Variants in ZNF496 observed in about 807,000 individuals in gnomAD.
The protein encoded by ZNF496 is NSD1 (nuclear receptor binding SET-domain containing 1)-interacting zinc finger protein 1.
Under a neutral mutation model 58.9 loss-of-function variants are expected in ZNF496, and 11 were observed. That is an observed-to-expected ratio of 0.19 (90% CI 0.12 to 0.31). The LOEUF is 0.31. Ranked by LOEUF, ZNF496 falls within the 10% of genes least tolerant of loss-of-function variation. The pLI is 1.00. For missense variants in ZNF496, 660 were observed against 783.0 expected (o/e 0.84, Z 1.88); for synonymous variants, 338 against 318.2 (o/e 1.06, Z -0.66).
chr1:247,328,614 C>CA (rs1189418661), intron 5 of ZNF496, 69 bp downstream of exon 5: 46 of 1,419,062 alleles, frequency 3.2e-5, no homozygotes, highest in Middle Eastern at 2.6e-4. Context: ...ACAAAAACCA[C>CA]ACCCAGTGCA....
At chr1:247,302,611 G>C (rs1659282759) in intron 9 of ZNF496, among the ~76,000 whole-genome samples, 2 of 152,150 alleles carry the variant, frequency 1.3e-5, no homozygotes, top group Admixed American at 6.5e-5. Context: ...AAAGTGCTGG[G>C]ATTACAGGTG....
At chr1:247,323,119 G>C (rs6692645) in intron 6 of ZNF496, 35 bp downstream of exon 6, 932,838 of 1,577,210 alleles carry the variant, frequency 0.59, 279,992 homozygotes, top group Middle Eastern at 0.77. Context: ...GAGGCAAACA[G>C]GGGATTTTCA....
rs200347844 is a variant in ZNF496 at position 247,329,481 on chromosome 1, C to T, written c.98G>A (p.Gly33Glu). The T allele has an allele frequency of 1.8e-4, 289 of 1,606,998 alleles. No homozygotes were observed. Among genetic ancestry groups the T allele is most frequent in the Non-Finnish European group, 1.5e-4 (181 of 1,177,530 alleles). Residue 33 changes from glycine to glutamate, a missense_variant, in exon 4 of 10, where the codon GGG becomes GAG. Transcript: ENST00000682384. The surrounding 1 kb of genome is among the most constrained non-coding windows in gnomAD (Gnocchi z 5.5). ...AGAGGACTCGGGGCTGGGAAGCTCC[C>T]CCTGGGGGCTAGGGTTCTCTCCAGG... The part of the protein sequence containing the change: ...SPPGENPSPQ[G>E]ELPSPESSRR...
At chr1:247,324,468 T>C (rs1160354577) in intron 5 of ZNF496, among the ~76,000 whole-genome samples, 1 of 151,674 alleles carries the variant, frequency 6.6e-6, no homozygotes, top group Non-Finnish European at 1.5e-5. Flanking sequence ...TCTGAAGTAT[T>C]TTCACCACAC....
At chr1:247,310,653 T>G in intron 6 of ZNF496, 197 bp from the exon 7 acceptor site, 1 of 614,578 alleles carries the variant, frequency 1.6e-6, no homozygotes, top group Non-Finnish European at 2.8e-6. Context: ...AGGGCCCACT[T>G]CTTGGTCAAA....
At chr1:247,321,296 T>G (rs371679851) in intron 6 of ZNF496, among the ~76,000 whole-genome samples, 6 of 152,234 alleles carry the variant, frequency 3.9e-5, no homozygotes, top group African/African-American at 1.4e-4. Flanking sequence ...TAATTCCAAT[T>G]ATATGAGGTA....
chr1:247,315,070 T>TG (rs1256745670), intron 6 of ZNF496, among the ~76,000 whole-genome samples: 7 of 150,542 alleles, frequency 4.6e-5, no homozygotes, highest in Non-Finnish European at 8.9e-5. Flanking sequence ...CTTTTTTTTT[T>TG]TTTTTTTTTT....
chr1:247,310,244 C>A, intron 7 of ZNF496, 80 bp downstream of exon 7: 5 of 1,586,546 alleles, frequency 3.2e-6, no homozygotes, highest in Non-Finnish European at 4.3e-6. Context: ...TCCTATGGGA[C>A]GAAGTTGACT....
At position 247,329,397 on chromosome 1, in the gene ZNF496, T is replaced by A. The variant is rs746147716; in HGVS notation, c.182A>T (p.Gln61Leu). 2 of 1,613,214 alleles carry A rather than the reference T, an allele frequency of 1.2e-6. No individual in the cohort carries two copies. Among genetic ancestry groups the A allele is most frequent in the Non-Finnish European group, 8.5e-7 (1 of 1,179,784 alleles). Residue 61 changes from glutamine (Q) to leucine (L), a missense_variant, in exon 4 of 10, where the codon CAG becomes CTG. Gln to Leu is a moderately radical substitution (Grantham distance 113). Coordinates refer to ENST00000682384, the MANE Select transcript of ZNF496 (RefSeq NM_032752.3). The surrounding 1 kb of genome is among the most constrained non-coding windows in gnomAD (Gnocchi z 5.5). ...QEAAGPREAL[Q>L]RLWDLCGGWL... Reference sequence around the variant, plus strand: ...GCCCCCGCACAGGTCCCAGAGGCGCTGCAGGGCCTCCCGGGGGCCCGCCGC... The same window carrying A: ...GCCCCCGCACAGGTCCCAGAGGCGCAGCAGGGCCTCCCGGGGGCCCGCCGC...
At chr1:247,303,435 A>C (rs1427972937) in intron 9 of ZNF496, among the ~76,000 whole-genome samples, 1 of 152,212 alleles carries the variant, frequency 6.6e-6, no homozygotes, top group Non-Finnish European at 1.5e-5. Flanking sequence ...CAAAGACCAA[A>C]AACTGTCGAA....
intron 5 of ZNF496, among the ~76,000 whole-genome samples, chr1:247,324,056 C>G (rs1660041013): frequency 2.4e-5 from 3 of 124,340 alleles, no homozygotes; most frequent in African/African-American, 9.1e-5. Flanking sequence ...GCCTGGGTGA[C>G]AGAACATGGC....
At chr1:247,326,367 C>T (rs6682130) in intron 5 of ZNF496, among the ~76,000 whole-genome samples, 3,177 of 152,190 alleles carry the variant, frequency 0.021, 102 homozygotes, top group African/African-American at 0.071. Flanking sequence ...TGCTAACTCT[C>T]ATCATACCTA....
intron 6 of ZNF496, chr1:247,312,474 T>C (rs531191223): frequency 6.6e-6 from 1 of 152,236 alleles, no homozygotes; most frequent in East Asian, 1.9e-4. Context: ...TAATAGTCTG[T>C]TCATGGGCTG....
chr1:247,310,239 T>C (rs947920985), intron 7 of ZNF496, 85 bp downstream of exon 7: 3 of 1,581,030 alleles, frequency 1.9e-6, no homozygotes, highest in Non-Finnish European at 2.6e-6. Context: ...CCTGATCCTA[T>C]GGGACGAAGT....
Position 247,300,133 on chromosome 1 carries a change from A to C in ZNF496, c.*386T>G. 2 of 165,460 alleles carry C rather than the reference A, an allele frequency of 1.2e-5. No homozygotes were observed. The highest frequency in any genetic ancestry group is 2.6e-5 in the Non-Finnish European group (2 of 76,910). 10.2% of individuals were successfully genotyped at this position (165,460 alleles called of 1,614,324 possible). A position where few individuals can be genotyped will look rare whatever the true frequency, so the allele number is the denominator to read the frequency against. ...GCAGATCCTAGCGTTCAGACAGGGA[A>C]GGAGGGGAGGGAGTATACTGAGGTT... On this transcript the variant is annotated 3_prime_UTR_variant, in exon 10 of 10. Coordinates refer to ENST00000682384, the MANE Select transcript of ZNF496 (RefSeq NM_032752.3). This position sits in a 1 kb window ranked among gnomAD's most constrained non-coding sequence, Gnocchi z 5.7.
At chr1:247,304,020 T>A (rs150570945) in intron 9 of ZNF496, 332 of 425,880 alleles carry the variant, frequency 7.8e-4, no homozygotes, top group African/African-American at 6.5e-3. Flanking sequence ...GCAGGGTTTC[T>A]GAGTATTATA....
chr1:247,324,079 GAAAAA>G, intron 5 of ZNF496, among the ~76,000 whole-genome samples: 1 of 88,248 alleles, frequency 1.1e-5, no homozygotes, highest in East Asian at 2.9e-4. Context: ...TGTCTCAAAT[GAAAAA>G]AAAAAAAAAA....
In ZNF496 at chr1:247,309,718, C is replaced by T. The variant is rs1558438871; in HGVS notation, c.873G>A (p.Val291=). 6 of 1,614,166 alleles carry T rather than the reference C, an allele frequency of 3.7e-6. No homozygotes were observed. Among genetic ancestry groups the T allele is most frequent in the Middle Eastern group, 3.3e-4 (2 of 6,062 alleles). ...PELQDLQGKE[V]PQVSYLDSPS... ...ACTCACCCAAGTAGGAGACCTGGGG[C>T]ACTTCTTTGCCCTGGAGATCCTGCA... is the stretch of plus-strand genomic sequence containing the variant. Residue 291 remains valine (V), a synonymous_variant, in exon 8 of 10, where the codon GTG becomes GTA. Coordinates refer to ENST00000682384, the MANE Select transcript of ZNF496 (RefSeq NM_032752.3). The surrounding 1 kb of genome is among the most constrained non-coding windows in gnomAD (Gnocchi z 4.3).
chr1:247,310,129 T>G (rs1659546234), intron 7 of ZNF496, 195 bp downstream of exon 7: 2 of 1,435,728 alleles, frequency 1.4e-6, no homozygotes, highest in Admixed American at 5.7e-5. Context: ...AGACAGCAGG[T>G]GATGGTCAAT....
Sources: allele counts gnomAD v4.1 joint callset (sites outside exome capture counted in the v4.1 genomes callset), GRCh38; gene constraint gnomAD v4.1.1; non-coding constraint Gnocchi (gnomAD v3.1); transcripts MANE v1.5; gene names NCBI Gene and HGNC (gene_info 2026-07-23, HGNC 2026-07-21).